NEMP2: variants seen among roughly 807,000 people sequenced by gnomAD.
NEMP2 encodes nuclear envelope integral membrane protein 2, also known as UPF0571 transmembrane protein.
Under a neutral mutation model 54.2 loss-of-function variants are expected in NEMP2, and 53 were observed. The ratio of observed to expected loss-of-function variants is 0.98; its 90% confidence interval spans 0.78 to 1.23. The LOEUF (loss-of-function observed/expected upper bound fraction) is 1.23. NEMP2 is among the 50% of genes most tolerant of loss of function. NEMP2 has a pLI of 0.00. For synonymous variants in NEMP2, 197 were observed against 190.3 expected, an observed-to-expected ratio of 1.04 and a Z score of -0.29; for missense variants, 455 against 511.3, an observed-to-expected ratio of 0.89 and a Z score of 1.06.
chr2:190,590,320 T>C, the NEMP2 span, among the ~76,000 whole-genome samples: 1 of 152,210 alleles, frequency 6.6e-6, no homozygotes, highest in Non-Finnish European at 1.5e-5. The surrounding 1 kb of genome is among the most constrained non-coding windows in gnomAD (Gnocchi z 5.1). Context: ...CACACCATTA[T>C]GGCATTTGAA....
At chr2:190,481,591 C>G in the NEMP2 span, among the ~76,000 whole-genome samples, 4 of 152,308 alleles carry the variant, frequency 2.6e-5, no homozygotes, top group Middle Eastern at 6.8e-3. Flanking sequence ...AATCCTGCCC[C>G]CTTTCACCTG....
the NEMP2 span, among the ~76,000 whole-genome samples, chr2:190,622,955 A>C: frequency 6.6e-6 from 1 of 152,164 alleles, no homozygotes; most frequent in African/African-American, 2.4e-5. Flanking sequence ...TCCACCAAAA[A>C]ACTAGAACAG....
the NEMP2 span, chr2:190,489,797 A>T: frequency 6.2e-7 from 1 of 1,614,168 alleles, no homozygotes; most frequent in East Asian, 2.2e-5. This position sits in a 1 kb window ranked among gnomAD's most constrained non-coding sequence, Gnocchi z 6.6. Flanking sequence ...AGGAATTGGC[A>T]TGGCCTGCTT....
the NEMP2 span, among the ~76,000 whole-genome samples, chr2:190,468,591 T>G: frequency 1.3e-5 from 2 of 151,096 alleles, no homozygotes; most frequent in Admixed American, 6.6e-5. Context: ...TAGCTGGGAC[T>G]ATAGGTGTGT....
chr2:190,496,337 T>A, the NEMP2 span, among the ~76,000 whole-genome samples: 1 of 152,148 alleles, frequency 6.6e-6, no homozygotes, highest in Non-Finnish European at 1.5e-5. The surrounding 1 kb of genome is among the most constrained non-coding windows in gnomAD (Gnocchi z 4.7). Flanking sequence ...AAATAATTGA[T>A]GTTGGTGTGG....
the NEMP2 span, among the ~76,000 whole-genome samples, chr2:190,562,021 G>A: frequency 6.6e-6 from 1 of 152,150 alleles, no homozygotes; most frequent in East Asian, 1.9e-4. The surrounding 1 kb of genome is among the most constrained non-coding windows in gnomAD (Gnocchi z 5.0). Context: ...AAATGTAAAT[G>A]AAAAGCTAGT....
At chr2:190,455,349 C>T in the NEMP2 span, among the ~76,000 whole-genome samples, 1 of 152,032 alleles carries the variant, frequency 6.6e-6, no homozygotes, top group Non-Finnish European at 1.5e-5. Flanking sequence ...CTTTGTGAAA[C>T]AAGATTTTAA....
chr2:190,535,185 TA>T (rs1354869543), upstream of NEMP2: 1 of 152,358 alleles, frequency 6.6e-6, no homozygotes, highest in Non-Finnish European at 1.5e-5. Context: ...ATAAAATACA[TA>T]AAAGCCAGTT....
At chr2:190,479,858 T>C in the NEMP2 span, among the ~76,000 whole-genome samples, 3 of 152,312 alleles carry the variant, frequency 2.0e-5, no homozygotes, top group Admixed American at 2.0e-4. Flanking sequence ...TGATGAAAGA[T>C]GTTTTTTTTA....
the NEMP2 span, among the ~76,000 whole-genome samples, chr2:190,572,737 T>A: frequency 2.7e-5 from 4 of 150,324 alleles, no homozygotes; most frequent in Admixed American, 6.6e-5. Context: ...GTTGAGTGTA[T>A]AATCAATAAT....
chr2:190,454,882 G>A, the NEMP2 span, among the ~76,000 whole-genome samples: 5 of 151,966 alleles, frequency 3.3e-5, no homozygotes, highest in South Asian at 2.1e-4. This position sits in a 1 kb window ranked among gnomAD's most constrained non-coding sequence, Gnocchi z 4.6. Flanking sequence ...GAGTGAGTCC[G>A]GCAACGGCAA....
the NEMP2 span, among the ~76,000 whole-genome samples, chr2:190,464,347 G>C: frequency 6.6e-6 from 1 of 152,184 alleles, no homozygotes; most frequent in African/African-American, 2.4e-5. Context: ...GTCATTAGGT[G>C]AATAGGGGTT....
chr2:190,541,814 A>C, the NEMP2 span, among the ~76,000 whole-genome samples: 2 of 151,768 alleles, frequency 1.3e-5, no homozygotes, highest in South Asian at 2.1e-4. This position sits in a 1 kb window ranked among gnomAD's most constrained non-coding sequence, Gnocchi z 5.2. Context: ...GAAGGATTTT[A>C]TCTCTTCTCT....
Position 190,525,349 on chromosome 2 carries a change from CT to C in NEMP2, c.126del (p.Asp43IlefsTer2). ...SVRRCKALKEKDLIRTSESDC... is the reference protein window; with the variant it reads ...SVRRCKALKEXDLIRTSESDC... The stretch of plus-strand genomic sequence containing the variant: ...TCTGACTCAGACGTTCTAATTAAAT[CT>C]TTTTCCTTCAAAGCTTTACACCTAC... On this transcript the variant is annotated frameshift_variant, in exon 2 of 9. Coordinates refer to ENST00000409150, the MANE Select transcript of NEMP2 (RefSeq NM_001142645.2). LOFTEE classifies it high-confidence loss of function. The surrounding 1 kb of genome is among the most constrained non-coding windows in gnomAD (Gnocchi z 5.0). 1 of 1,549,250 alleles carries C rather than the reference CT, an allele frequency of 6.5e-7. No individual in the cohort carries two copies. The highest frequency in any genetic ancestry group is 8.7e-7 in the Non-Finnish European group (1 of 1,145,306).
the NEMP2 span, among the ~76,000 whole-genome samples, chr2:190,483,392 C>A: frequency 6.6e-6 from 1 of 152,168 alleles, no homozygotes; most frequent in Non-Finnish European, 1.5e-5. Flanking sequence ...CTCTGTGTGA[C>A]TCTGGACAAG....
At chr2:190,439,116 T>G in the NEMP2 span, among the ~76,000 whole-genome samples, 3 of 152,158 alleles carry the variant, frequency 2.0e-5, no homozygotes, top group African/African-American at 7.2e-5. The surrounding 1 kb of genome is among the most constrained non-coding windows in gnomAD (Gnocchi z 5.8). Context: ...ATGTTTAGAT[T>G]ATCTGAGCTG....
chr2:190,446,734 T>C, the NEMP2 span, among the ~76,000 whole-genome samples: 1 of 152,320 alleles, frequency 6.6e-6, no homozygotes, highest in South Asian at 2.1e-4. Flanking sequence ...CTGGGTCTGC[T>C]CAACCCAAAA....
chr2:190,630,840 C>T, the NEMP2 span, among the ~76,000 whole-genome samples: 1 of 151,896 alleles, frequency 6.6e-6, no homozygotes, highest in South Asian at 2.1e-4. The surrounding 1 kb of genome is among the most constrained non-coding windows in gnomAD (Gnocchi z 5.5). Flanking sequence ...TTTAACTTCA[C>T]TCAGTTTAAA....
At chr2:190,617,081 G>T in the NEMP2 span, 9 of 151,252 alleles carry the variant, frequency 6.0e-5, 2 homozygotes, top group South Asian at 2.1e-4. This position sits in a 1 kb window ranked among gnomAD's most constrained non-coding sequence, Gnocchi z 5.0. Context: ...AGCCCCGATC[G>T]CGCCACCGCA....
Sources: gnomAD v4.1 joint callset for allele counts (sites outside exome capture counted in the v4.1 genomes callset) on GRCh38, gnomAD v4.1.1 for gene constraint, Gnocchi (gnomAD v3.1) non-coding constraint, MANE v1.5 for transcripts, NCBI Gene and HGNC (gene_info 2026-07-23, HGNC 2026-07-21) for gene names.